Variants in GPRC6A observed in about 807,000 individuals in gnomAD.
GPRC6A encodes G protein-coupled receptor family C group 6 member A.
A neutral mutation model predicts 47.0 loss-of-function variants in GPRC6A; 54 were observed. The observed-to-expected ratio is 1.15, with a 90% CI of 0.92 to 1.44. The LOEUF is 1.44. GPRC6A is among the 40% of genes most tolerant of loss of function. The probability of loss-of-function intolerance (pLI) is 0.00; values close to 1 mark genes in which losing one functional copy is unlikely to be tolerated. For missense variants in GPRC6A, 1,112 were observed against 1,105.5 expected, an observed-to-expected ratio of 1.01 and a Z score of -0.08; for synonymous variants, 347 against 377.1, an observed-to-expected ratio of 0.92 and a Z score of 0.93.
chr6:116,809,408 C>T lies in GPRC6A; in HGVS notation c.404G>A (p.Ser135Asn), dbSNP rs1772953064. ...ETVEFKCDYS[S>N]YMPRVKAVIG... ...GACAGCCTTAACTCTTGGCATGTAG[C>T]TGGAATAGTCACACTTAAACTCCAC... The change falls in exon 2 of 6, where the codon AGC becomes AAC. Residue 135 changes from serine (S) to asparagine (N), a missense_variant. Coordinates refer to ENST00000310357, the MANE Select transcript of GPRC6A (RefSeq NM_148963.4). 6.2e-7 allele frequency: 1 copy of T among 1,613,622 alleles called. No homozygotes were observed. The highest frequency in any genetic ancestry group is 1.1e-5 in the South Asian group (1 of 91,074).
At chr6:116,806,190 CTG>C (rs1273302800) in intron 3 of GPRC6A, among the ~76,000 whole-genome samples, 178 bp downstream of exon 3, 1 of 152,028 alleles carries the variant, frequency 6.6e-6, no homozygotes, top group African/African-American at 2.4e-5. Context: ...AAACACAACT[CTG>C]TTATCTTGAA....
At chr6:116,823,527 C>A (rs1320168616) in intron 1 of GPRC6A, among the ~76,000 whole-genome samples, 1 of 152,096 alleles carries the variant, frequency 6.6e-6, no homozygotes, top group African/African-American at 2.4e-5. Flanking sequence ...TTTCCTTCAT[C>A]TTCCTGTCTT....
rs1772363402 is a variant in GPRC6A at position 116,792,989 on chromosome 6, G to GA, written c.1933_1934insT (p.Ala645ValfsTer16). 6.2e-7 allele frequency: 1 copy of GA among 1,613,936 alleles called. No homozygotes were observed. Among genetic ancestry groups the GA allele is most frequent in the Non-Finnish European group, 8.5e-7 (1 of 1,179,978 alleles). On this transcript the variant is annotated frameshift_variant, in exon 6 of 6. Transcript: ENST00000310357. LOFTEE classifies it low-confidence loss of function (END_TRUNC). ...TTCTCCAATGAAAAAGCTCGTGCTGGCAAAATTGAGGAAATGACAGAGAAG... is the reference window on the plus strand; with the variant it reads ...TTCTCCAATGAAAAAGCTCGTGCTGGACAAAATTGAGGAAATGACAGAGAAG...
At chr6:116,802,628 C>G (rs1772710852) in intron 3 of GPRC6A, among the ~76,000 whole-genome samples, 2 of 152,108 alleles carry the variant, frequency 1.3e-5, no homozygotes, top group African/African-American at 2.4e-5. Context: ...AACATCCTTG[C>G]CTCTGTGTCC....
intron 4 of GPRC6A, among the ~76,000 whole-genome samples, chr6:116,797,809 G>C (rs1351016665): frequency 1.3e-5 from 2 of 152,190 alleles, no homozygotes; most frequent in Non-Finnish European, 2.9e-5. Context: ...CAGAGTGCTG[G>C]GTTCGTAATG....
chr6:116,818,198 C>A (rs1439517952), intron 1 of GPRC6A, among the ~76,000 whole-genome samples: 1 of 151,948 alleles, frequency 6.6e-6, no homozygotes, highest in African/African-American at 2.4e-5. Flanking sequence ...AGAAACCCTA[C>A]AAGCCAGAAG....
rs747360155 is a variant in GPRC6A at position 116,806,976 on chromosome 6, C to T, written c.729G>A (p.Glu243=). The T allele has an allele frequency of 2.5e-6, 4 of 1,613,552 alleles. No individual in the cohort carries two copies. Among genetic ancestry groups the T allele is most frequent in the Non-Finnish European group, 3.4e-6 (4 of 1,179,694 alleles). The part of the protein sequence containing the change: ...EANNVCIAFK[E]VLPAFLSDNT... ...TATCTGAAAGAAAGGCTGGAAGAAC[C>T]TCTTTGAAGGCTATGCACACGTTAT... Residue 243 remains glutamate, a synonymous_variant, in exon 3 of 6, where the codon GAG becomes GAA. Coordinates refer to ENST00000310357, the MANE Select transcript of GPRC6A (RefSeq NM_148963.4).
chr6:116,809,763 T>A (rs1052799450), intron 1 of GPRC6A, 146 bp from the exon 2 acceptor site: 2 of 581,622 alleles, frequency 3.4e-6, no homozygotes, highest in African/African-American at 3.7e-5. Context: ...TTAAAAACAA[T>A]TTTTCATGAT....
At chr6:116,810,987 G>A (rs907526186) in intron 1 of GPRC6A, among the ~76,000 whole-genome samples, 2 of 152,060 alleles carry the variant, frequency 1.3e-5, no homozygotes, top group African/African-American at 4.8e-5. Context: ...GGCACCTGGA[G>A]GCCCAAGAAT....
rs888141657 is a variant in GPRC6A, at chr6:116,800,888, C to T, written c.1336-92G>A. 6 of 736,884 alleles carry T rather than the reference C, an allele frequency of 8.1e-6. No individual in the cohort carries two copies. The Admixed American group carries it at 1.5e-4, about 18-fold the overall frequency. The allele number at this position is 736,884 out of a possible 1,614,324, so 45.6% of individuals were successfully genotyped here. On this transcript the variant is annotated intron_variant, in intron 3 of 5. Transcript: ENST00000310357. ...GATAACACTGCCTTATAAAGCATAT[C>T]ACTTAAAAATGAGGGAAAAAAGATT...
intron 1 of GPRC6A, among the ~76,000 whole-genome samples, chr6:116,817,223 C>T (rs1356482296): frequency 2.0e-5 from 3 of 152,110 alleles, no homozygotes; most frequent in Admixed American, 2.0e-4. Flanking sequence ...AAGTGGGTCC[C>T]TGACCCCTGA....
chr6:116,795,637 C>A, intron 5 of GPRC6A, 75 bp downstream of exon 5: 22 of 1,245,046 alleles, frequency 1.8e-5, no homozygotes, highest in South Asian at 1.1e-4. Flanking sequence ...AAAAACAAAC[C>A]AAAATAAAAT....
At chr6:116,798,800 T>C (rs1040347443) in intron 4 of GPRC6A, among the ~76,000 whole-genome samples, 1 of 151,384 alleles carries the variant, frequency 6.6e-6, no homozygotes, top group Non-Finnish European at 1.5e-5. Context: ...AGCAAAATGC[T>C]TGAACCTGGG....
At chr6:116,823,620 C>A (rs1014831778) in intron 1 of GPRC6A, among the ~76,000 whole-genome samples, 1 of 152,192 alleles carries the variant, frequency 6.6e-6, no homozygotes, top group Non-Finnish European at 1.5e-5. Flanking sequence ...ATCTTTATAG[C>A]AATGCCCCAC....
intron 3 of GPRC6A, among the ~76,000 whole-genome samples, chr6:116,804,652 T>C (rs1294917986): frequency 6.6e-6 from 1 of 152,080 alleles, no homozygotes; most frequent in Non-Finnish European, 1.5e-5. Flanking sequence ...AAAGAATGAC[T>C]CCAGGCTCCT....
intron 1 of GPRC6A, among the ~76,000 whole-genome samples, chr6:116,825,531 C>G (rs1225014091): frequency 6.6e-6 from 1 of 151,686 alleles, no homozygotes; most frequent in Non-Finnish European, 1.5e-5. Flanking sequence ...TCTCTACAAG[C>G]AAAACTATGG....
intron 1 of GPRC6A, among the ~76,000 whole-genome samples, chr6:116,817,144 A>C (rs1773247552): frequency 6.6e-6 from 1 of 151,884 alleles, no homozygotes; most frequent in African/African-American, 2.4e-5. Context: ...CCTGTCTGAC[A>C]GCTTTGAAGA....
rs1268347123 is a variant in GPRC6A at position 116,806,449 on chromosome 6, A to G, written c.1256T>C (p.Val419Ala). 1 of 1,613,512 alleles carries G rather than the reference A, an allele frequency of 6.2e-7. No homozygotes were observed. ...PGLIHSIQLA[V>A]FALGYAIRDL... ...CCGAATGGCATAACCAAGGGCAAAC[A>G]CTGCAAGCTGAATACTATGAATGAG... The change falls in exon 3 of 6, where the codon GTG (valine) becomes GCG (alanine). Residue 419 changes from valine (V) to alanine (A), a missense_variant. By Grantham distance (64) the Val-to-Ala change is moderately conservative. Coordinates refer to ENST00000310357, the MANE Select transcript of GPRC6A (RefSeq NM_148963.4).
chr6:116,821,802 A>G (rs1773491901), intron 1 of GPRC6A, among the ~76,000 whole-genome samples: 1 of 151,504 alleles, frequency 6.6e-6, no homozygotes, highest in Non-Finnish European at 1.5e-5. Flanking sequence ...AGGCATGGGC[A>G]AGGACTTCAT....
Sources: allele counts gnomAD v4.1 joint callset (sites outside exome capture counted in the v4.1 genomes callset), GRCh38; gene constraint gnomAD v4.1.1; transcripts MANE v1.5; gene names NCBI Gene and HGNC (gene_info 2026-07-23, HGNC 2026-07-21).